Variants in CNTN5 observed in about 807,000 individuals in gnomAD.
CNTN5 encodes the protein contactin 5.
In CNTN5, 77 loss-of-function variants were observed where a neutral mutation model predicts 129.1. The observed-to-expected ratio is 0.60, with a 90% CI of 0.50 to 0.72. The LOEUF (loss-of-function observed/expected upper bound fraction) is 0.72, where lower values mean the gene tolerates loss of function less well. Ranked by LOEUF, CNTN5 falls within the 30% of genes least tolerant of loss-of-function variation. The pLI is 0.00. For missense variants in CNTN5, 1,478 were observed against 1,328.8 expected, an observed-to-expected ratio of 1.11 and a Z score of -1.75; for synonymous variants, 509 against 465.6, an observed-to-expected ratio of 1.09 and a Z score of -1.20.
At chr11:100,303,944 T>C (rs941557055) in intron 20 of CNTN5, among the ~76,000 whole-genome samples, 7 of 151,674 alleles carry the variant, frequency 4.6e-5, no homozygotes, top group Non-Finnish European at 8.9e-5. Context: ...AATGAAACCA[T>C]ACCCTTTCTC....
intron 10 of CNTN5, among the ~76,000 whole-genome samples, chr11:100,062,660 A>G (rs1943531181): frequency 6.6e-6 from 1 of 152,204 alleles, no homozygotes. Context: ...GGAGTCAGGA[A>G]AAGCTTTAGA....
At chr11:100,137,824 C>A (rs1020012144) in intron 13 of CNTN5, among the ~76,000 whole-genome samples, 1 of 152,032 alleles carries the variant, frequency 6.6e-6, no homozygotes, top group African/African-American at 2.4e-5. Flanking sequence ...GATGTGGGAG[C>A]AAAGAGAGTA....
intron 18 of CNTN5, among the ~76,000 whole-genome samples, chr11:100,279,747 C>A (rs1046988864): frequency 6.6e-6 from 1 of 151,286 alleles, no homozygotes. Flanking sequence ...TTTAAAAAAA[C>A]CTTTTTGTTC....
chr11:100,044,183 TAC>T (rs1045788370), intron 9 of CNTN5, among the ~76,000 whole-genome samples: 31 of 139,714 alleles, frequency 2.2e-4, no homozygotes, highest in African/African-American at 5.1e-4. Context: ...TATATATATA[TAC>T]GTGATATGTA....
chr11:99,030,548 T>C (rs532170853), intron 1 of CNTN5, among the ~76,000 whole-genome samples: 20 of 152,266 alleles, frequency 1.3e-4, no homozygotes, highest in Admixed American at 9.2e-4. Flanking sequence ...TTCATTTCCC[T>C]TTACAAAATT....
intron 3 of CNTN5, among the ~76,000 whole-genome samples, chr11:99,753,687 C>G (rs1362411074): frequency 1.8e-5 from 2 of 114,112 alleles, no homozygotes; most frequent in African/African-American, 6.3e-5. Flanking sequence ...AAAGAAATCA[C>G]TTCCTTTTTT....
At chr11:99,137,178 T>C (rs1859271150) in intron 1 of CNTN5, among the ~76,000 whole-genome samples, 1 of 152,170 alleles carries the variant, frequency 6.6e-6, no homozygotes, top group Non-Finnish European at 1.5e-5. Flanking sequence ...TATGCATACT[T>C]TGTGTGTTTA....
chr11:99,391,070 T>C (rs1307500066), intron 2 of CNTN5, among the ~76,000 whole-genome samples: 1 of 152,108 alleles, frequency 6.6e-6, no homozygotes, highest in Non-Finnish European at 1.5e-5. Flanking sequence ...ACACCTTTTG[T>C]ATTATTACTC....
At chr11:99,670,465 C>T (rs1296805936) in intron 3 of CNTN5, among the ~76,000 whole-genome samples, 1 of 152,158 alleles carries the variant, frequency 6.6e-6, no homozygotes. Flanking sequence ...GCCTATCACT[C>T]ACCTAATCTG....
chr11:99,906,897 C>G (rs769629394), intron 6 of CNTN5, among the ~76,000 whole-genome samples: 2 of 150,910 alleles, frequency 1.3e-5, no homozygotes, highest in African/African-American at 2.4e-5. Flanking sequence ...TCCAGATTTT[C>G]TAGTTTATTT....
intron 1 of CNTN5, among the ~76,000 whole-genome samples, chr11:99,298,018 A>G (rs947666538): frequency 6.6e-6 from 1 of 152,062 alleles, no homozygotes; most frequent in Non-Finnish European, 1.5e-5. Flanking sequence ...TCAAAACACA[A>G]ATCCGTGGAG....
chr11:100,172,038 A>G (rs1368028951), intron 13 of CNTN5, among the ~76,000 whole-genome samples: 2 of 152,114 alleles, frequency 1.3e-5, no homozygotes, highest in East Asian at 3.9e-4. Context: ...TATGTACCTA[A>G]AACAGTGAAA....
At chr11:99,707,503 A>G (rs943935925) in intron 3 of CNTN5, among the ~76,000 whole-genome samples, 1 of 151,730 alleles carries the variant, frequency 6.6e-6, no homozygotes, top group African/African-American at 2.4e-5. Flanking sequence ...AATGAATTAC[A>G]CTGGAGTGAA....
chr11:100,259,646 C>T (rs1431565679), intron 17 of CNTN5, among the ~76,000 whole-genome samples: 6 of 152,018 alleles, frequency 3.9e-5, no homozygotes, highest in East Asian at 3.8e-4. Flanking sequence ...GAAACTCACT[C>T]GAAACCACAC....
chr11:99,936,883 A>G (rs1950327723), intron 7 of CNTN5, among the ~76,000 whole-genome samples: 1 of 152,192 alleles, frequency 6.6e-6, no homozygotes, highest in Admixed American at 6.5e-5. Context: ...CTTAAATATT[A>G]ACCACAGGCA....
At chr11:99,739,758 A>G (rs1943830912) in intron 3 of CNTN5, among the ~76,000 whole-genome samples, 5 of 152,186 alleles carry the variant, frequency 3.3e-5, no homozygotes, top group Non-Finnish European at 7.4e-5. Context: ...TTCCATTTAA[A>G]GAGATTTTTG....
chr11:99,440,488 T>A (rs1352583212), intron 2 of CNTN5, among the ~76,000 whole-genome samples: 1 of 152,132 alleles, frequency 6.6e-6, no homozygotes, highest in Non-Finnish European at 1.5e-5. Flanking sequence ...ACTTAGGTTG[T>A]CTAATCCACT....
chr11:100,114,017 C>T (rs543423421), intron 13 of CNTN5, among the ~76,000 whole-genome samples: 2 of 152,112 alleles, frequency 1.3e-5, no homozygotes, highest in East Asian at 3.9e-4. Flanking sequence ...TGTATATGGT[C>T]TTGATTTGTT....
intron 3 of CNTN5, among the ~76,000 whole-genome samples, chr11:99,621,028 C>T (rs12808449): frequency 0.45 from 66,959 of 149,700 alleles, 15,928 homozygotes; most frequent in Admixed American, 0.59. Flanking sequence ...AAAAGGAATA[C>T]AAATAACACA....
Sources: allele counts gnomAD v4.1 joint callset (sites outside exome capture counted in the v4.1 genomes callset), GRCh38; gene constraint gnomAD v4.1.1; transcripts MANE v1.5; gene names NCBI Gene and HGNC (gene_info 2026-07-23, HGNC 2026-07-21).